Variants in PRKG1 observed in about 807,000 individuals in gnomAD.
The protein encoded by PRKG1 is cGMP-dependent protein kinase 1.
PRKG1 carries 35 observed loss-of-function variants against 88.1 expected under a neutral mutation model. The ratio of observed to expected loss-of-function variants is 0.40; its 90% confidence interval spans 0.30 to 0.53. PRKG1 has a LOEUF of 0.53. PRKG1 is among the 20% of genes least tolerant of loss of function. The pLI is 0.59. For missense variants in PRKG1, 540 were observed against 839.8 expected, an observed-to-expected ratio of 0.64 and a Z score of 4.41; for synonymous variants, 303 against 292.5, an observed-to-expected ratio of 1.04 and a Z score of -0.37.
chr10:51,324,307 G>A (rs1426827410), intron 2 of PRKG1, among the ~76,000 whole-genome samples: 2 of 151,980 alleles, frequency 1.3e-5, no homozygotes, highest in South Asian at 2.1e-4. Context: ...ACCAACATGA[G>A]ATCCACCTTT....
chr10:51,772,441 TAAACTC>T (rs1838327113), intron 3 of PRKG1, among the ~76,000 whole-genome samples: 1 of 152,076 alleles, frequency 6.6e-6, no homozygotes, highest in African/African-American at 2.4e-5. Context: ...AAGAATGAAT[TAAACTC>T]ATATTAGGTG....
At chr10:52,176,619 C>T (rs1838875155) in intron 9 of PRKG1, among the ~76,000 whole-genome samples, 1 of 152,102 alleles carries the variant, frequency 6.6e-6, no homozygotes, top group South Asian at 2.1e-4. Context: ...CTAGTATGAA[C>T]ATTTTAACAG....
At chr10:52,135,360 G>T (rs1393011463) in intron 8 of PRKG1, among the ~76,000 whole-genome samples, 1 of 152,122 alleles carries the variant, frequency 6.6e-6, no homozygotes, top group Non-Finnish European at 1.5e-5. Context: ...GCTGGCACTG[G>T]TTCACTGAGA....
chr10:51,730,176 T>A (rs1380775154), intron 3 of PRKG1, among the ~76,000 whole-genome samples: 1 of 152,186 alleles, frequency 6.6e-6, no homozygotes, highest in Non-Finnish European at 1.5e-5. Context: ...AAATTGGAGC[T>A]GATGCTCCAG....
At chr10:51,656,918 A>C (rs1190536683) in intron 3 of PRKG1, among the ~76,000 whole-genome samples, 2 of 152,164 alleles carry the variant, frequency 1.3e-5, no homozygotes, top group Admixed American at 6.6e-5. Flanking sequence ...AAGCTTCGTG[A>C]CTATGAATCT....
intron 10 of PRKG1, among the ~76,000 whole-genome samples, chr10:52,269,967 AG>A (rs1841674646): frequency 6.6e-6 from 1 of 152,122 alleles, no homozygotes; most frequent in East Asian, 1.9e-4. Flanking sequence ...AAGTCTTCCC[AG>A]TTATTAGAGA....
At chr10:51,423,221 T>C (rs540379137) in intron 2 of PRKG1, among the ~76,000 whole-genome samples, 1 of 152,336 alleles carries the variant, frequency 6.6e-6, no homozygotes, top group African/African-American at 2.4e-5. Flanking sequence ...GCATACTCGA[T>C]ATGTCTGACT....
chr10:51,464,910 A>T (rs1481216438), intron 2 of PRKG1, among the ~76,000 whole-genome samples: 2 of 136,656 alleles, frequency 1.5e-5, no homozygotes, highest in East Asian at 4.7e-4. Context: ...AAAAAAAAAA[A>T]GATAAGATCA....
chr10:51,016,450 T>A (rs1683530304), intron 1 of PRKG1, among the ~76,000 whole-genome samples: 1 of 152,130 alleles, frequency 6.6e-6, no homozygotes, highest in African/African-American at 2.4e-5. Context: ...AACTAAAGCA[T>A]CATTTCAGGC....
chr10:51,565,127 A>G (rs61233231), intron 3 of PRKG1, among the ~76,000 whole-genome samples: 21,525 of 152,112 alleles, frequency 0.14, 1,637 homozygotes, highest in African/African-American at 0.19. Flanking sequence ...AAACAAACAA[A>G]ATAGATACCA....
At position 51,610,006 on chromosome 10, in the gene PRKG1, T is replaced by G. The variant is rs186578863; in HGVS notation, c.592+142170T>G. Among the ~76,000 whole-genome samples, 1,295 of 151,838 alleles carry G rather than the reference T, an allele frequency of 8.5e-3. 13 individuals carry two copies. Among genetic ancestry groups the G allele is most frequent in the Non-Finnish European group, 0.014 (969 of 67,834 alleles). On this transcript the variant is annotated intron_variant, in intron 3 of 17. Coordinates refer to ENST00000373980, the MANE Select transcript of PRKG1 (RefSeq NM_006258.4). ...CAAACTTATAAATTAAAAAAAAATT[T>G]TTTTGATCCATTGTATTTGTACATA...
intron 3 of PRKG1, among the ~76,000 whole-genome samples, chr10:51,797,010 T>C (rs1343557367): frequency 6.6e-6 from 1 of 151,794 alleles, no homozygotes; most frequent in Admixed American, 6.6e-5. Flanking sequence ...GACAAATAGG[T>C]GGAAAGTCAT....
At chr10:51,688,349 G>C (rs1488497588) in intron 3 of PRKG1, among the ~76,000 whole-genome samples, 1 of 152,046 alleles carries the variant, frequency 6.6e-6, no homozygotes, top group Non-Finnish European at 1.5e-5. Flanking sequence ...GTTCTCCTCA[G>C]TATATAACAT....
chr10:51,904,696 A>G (rs1262934583), intron 4 of PRKG1, among the ~76,000 whole-genome samples: 1 of 152,088 alleles, frequency 6.6e-6, no homozygotes, highest in Non-Finnish European at 1.5e-5. Context: ...AATATTTTAG[A>G]GTGTTTCTTC....
intron 3 of PRKG1, among the ~76,000 whole-genome samples, chr10:51,655,764 T>C (rs1163251083): frequency 6.6e-6 from 1 of 152,118 alleles, no homozygotes; most frequent in Non-Finnish European, 1.5e-5. Flanking sequence ...TTTTTATTCT[T>C]TCAGATCATT....
At chr10:51,733,793 T>C (rs1837184256) in intron 3 of PRKG1, among the ~76,000 whole-genome samples, 1 of 152,300 alleles carries the variant, frequency 6.6e-6, no homozygotes, top group East Asian at 1.9e-4. Flanking sequence ...CCTGCAATTG[T>C]CGCAATGAAT....
At chr10:51,019,994 A>G (rs1843115641) in intron 1 of PRKG1, among the ~76,000 whole-genome samples, 1 of 152,188 alleles carries the variant, frequency 6.6e-6, no homozygotes, top group South Asian at 2.1e-4. Context: ...AAACCCAGAA[A>G]ATAGCAAGTT....
intron 2 of PRKG1, among the ~76,000 whole-genome samples, chr10:51,434,058 C>T (rs1457151691): frequency 6.6e-6 from 1 of 152,232 alleles, no homozygotes; most frequent in East Asian, 1.9e-4. Flanking sequence ...ACACCAAGTC[C>T]AGAATGCTTT....
chr10:52,155,036 T>C (rs1171251688), intron 8 of PRKG1, among the ~76,000 whole-genome samples: 1 of 152,132 alleles, frequency 6.6e-6, no homozygotes, highest in Non-Finnish European at 1.5e-5. Flanking sequence ...TATCCACTCA[T>C]TGGCTGATGG....
Sources: gnomAD v4.1 joint callset for allele counts (sites outside exome capture counted in the v4.1 genomes callset) on GRCh38, gnomAD v4.1.1 for gene constraint, MANE v1.5 for transcripts, NCBI Gene and HGNC (gene_info 2026-07-23, HGNC 2026-07-21) for gene names.